The following SEMA4B variants were observed in gnomAD, a reference collection of about 807,000 sequenced individuals.
The protein encoded by SEMA4B is semaphorin-4B.
A neutral mutation model predicts 88.1 loss-of-function variants in SEMA4B; 55 were observed. The ratio of observed to expected loss-of-function variants is 0.62; its 90% CI spans 0.50 to 0.78. SEMA4B has a LOEUF of 0.78. Among genes scored for constraint, SEMA4B ranks in the 30% least tolerant of loss-of-function variants. SEMA4B has a pLI of 0.00. For missense variants in SEMA4B, 1,062 were observed against 1,111.9 expected, an observed-to-expected ratio of 0.96 and a Z score of 0.64; for synonymous variants, 525 against 473.6, an observed-to-expected ratio of 1.11 and a Z score of -1.41.
At chr15:90,196,861 G>A (rs1052521138), upstream of SEMA4B, among the ~76,000 whole-genome samples, 12 of 151,964 alleles carry the variant, frequency 7.9e-5, no homozygotes, top group African/African-American at 2.7e-4. Flanking sequence ...CTCTCTCTCT[G>A]GGTTTCACTG....
rs560878685 is a variant in SEMA4B at position 90,191,077 on chromosome 15, G to C, written c.-122+5996G>C. Among the ~76,000 whole-genome samples the C allele has an allele frequency of 3.0e-4, 46 of 152,346 alleles. No individual in the cohort carries two copies. The Middle Eastern group carries it at 0.01, about 34-fold the overall frequency. ...ATATTGGGGGAGCAGAGGAGTGACAGTGGCAACTTCATGTTCTACCCTGTC... is the reference window on the plus strand; with the variant it reads ...ATATTGGGGGAGCAGAGGAGTGACACTGGCAACTTCATGTTCTACCCTGTC... On this transcript the variant is annotated intron_variant, in intron 1 of 14. Transcript: ENST00000332496.
intron 1 of SEMA4B, among the ~76,000 whole-genome samples, chr15:90,214,345 AAGG>A (rs1426525020): frequency 2.0e-5 from 3 of 148,780 alleles, no homozygotes; most frequent in Non-Finnish European, 4.5e-5. Context: ...AAAAAAAAAA[AAGG>A]GCTGAGCTGC....
chr15:90,217,621 A>T lies in SEMA4B; in HGVS notation c.321+19A>T. The stretch of plus-strand genomic sequence containing the variant: ...CCAGGAGGTGAGAGATGTTGCCTGG[A>T]GCTGGCTAGGCTGGGCAGAGGACCA... On this transcript the variant is annotated intron_variant, in intron 2 of 13. Coordinates refer to ENST00000411539, the MANE Select transcript of SEMA4B (RefSeq NM_198925.4). The T allele has an allele frequency of 6.2e-7, 1 of 1,612,664 alleles. No individual in the cohort carries two copies. Among genetic ancestry groups the T allele is most frequent in the African/African-American group, 1.3e-5 (1 of 75,002 alleles).
intron 9 of SEMA4B, 58 bp downstream of exon 9, chr15:90,224,046 C>T: frequency 6.5e-7 from 1 of 1,541,474 alleles, no homozygotes; most frequent in Non-Finnish European, 8.8e-7. Flanking sequence ...GTCCCCACAC[C>T]ATGCTGGGAG....
Position 90,223,805 on chromosome 15 carries a change from G to A in SEMA4B, c.1044-33G>A. The A allele has an allele frequency of 1.9e-6, 3 of 1,609,794 alleles. No homozygotes were observed. In the Admixed American group the frequency reaches 5.0e-5, roughly 27 times the overall value. On this transcript the variant is annotated intron_variant, in intron 8 of 13. Coordinates refer to ENST00000411539, the MANE Select transcript of SEMA4B (RefSeq NM_198925.4). ...GGTGGCTGGGACTGGGGCCCCCAGG[G>A]CTCCTGGGTTAATCTGGTTATTTCC...
chr15:90,185,082 G>A lies in SEMA4B; in HGVS notation c.-122+1G>A. On this transcript the variant is annotated splice_donor_variant, in intron 1 of 14. Transcript: ENST00000332496. LOFTEE classifies it low-confidence loss of function (5UTR_SPLICE). ...GTGCGCTGACCCTGACTCACTCCAG[G>A]TAGGCGCGGGGGGTGCCTGGCGAGG... 1.0e-6 allele frequency: 1 copy of A among 984,412 alleles called. No individual in the cohort carries two copies. Among genetic ancestry groups the A allele is most frequent in the Non-Finnish European group, 1.2e-6 (1 of 829,002 alleles). 61.0% of individuals were successfully genotyped at this position (984,412 alleles called of 1,614,324 possible). A position where few individuals can be genotyped will look rare whatever the true frequency, so the allele number is the denominator to read the frequency against.
exon 1 of SEMA4B, chr15:90,184,991 C>T: frequency 2.0e-6 from 2 of 985,812 alleles, no homozygotes; most frequent in Non-Finnish European, 2.4e-6. Flanking sequence ...TGCGCCGGGC[C>T]GGCCTGGCAA....
At chr15:90,193,636 T>G (rs1038688195) in intron 1 of SEMA4B, 2 of 152,196 alleles carry the variant, frequency 1.3e-5, no homozygotes, top group African/African-American at 4.8e-5. Context: ...ACAACTCATG[T>G]GTTGCCAAGA....
chr15:90,196,769 G>T (rs184925960), upstream of SEMA4B, among the ~76,000 whole-genome samples: 2 of 152,228 alleles, frequency 1.3e-5, no homozygotes, highest in Non-Finnish European at 2.9e-5. Context: ...TTACAGGCGT[G>T]AGCCACTGCA....
At chr15:90,188,155 C>T (rs1960220934) in intron 1 of SEMA4B, among the ~76,000 whole-genome samples, 1 of 151,640 alleles carries the variant, frequency 6.6e-6, no homozygotes, top group South Asian at 2.1e-4. Context: ...TCAGTCTCTA[C>T]AAAAAATACA....
chr15:90,218,928 T>C (rs1356458508), intron 3 of SEMA4B, among the ~76,000 whole-genome samples: 1 of 151,294 alleles, frequency 6.6e-6, no homozygotes, highest in South Asian at 2.1e-4. Flanking sequence ...CAGGAGAGAG[T>C]GAGGAGCTGA....
chr15:90,204,601 C>T (rs1416468427), intron 1 of SEMA4B, among the ~76,000 whole-genome samples: 1 of 152,154 alleles, frequency 6.6e-6, no homozygotes, highest in African/African-American at 2.4e-5. Flanking sequence ...TGCGTTGGAA[C>T]TACCATGCAG....
Position 90,229,508 on chromosome 15 carries a change from C to A in SEMA4B, c.*865C>A, listed in dbSNP as rs1379041336. The A allele has an allele frequency of 7.2e-6, 3 of 418,378 alleles. No individual in the cohort carries two copies. Among genetic ancestry groups the A allele is most frequent in the Non-Finnish European group, 1.5e-5 (3 of 206,326 alleles). The allele number at this position is 418,378 out of a possible 1,614,324, so 25.9% of individuals were successfully genotyped here. ...CTGCACCCTGGTCCTCTCCCCAGTC[C>A]CCAGTTCACCCTCCATCCCTCACCT... On this transcript the variant is annotated 3_prime_UTR_variant, in exon 14 of 14. Coordinates refer to ENST00000411539, the MANE Select transcript of SEMA4B (RefSeq NM_198925.4).
At chr15:90,188,212 A>G (rs1960231210) in intron 1 of SEMA4B, among the ~76,000 whole-genome samples, 2 of 151,962 alleles carry the variant, frequency 1.3e-5, no homozygotes, top group African/African-American at 4.8e-5. Flanking sequence ...TCAGCTATCC[A>G]GGGCGCTGAG....
Position 90,229,426 on chromosome 15 carries a change from C to T in SEMA4B, c.*783C>T. The stretch of plus-strand genomic sequence containing the variant: ...CCGTTGTTGCGTGAGAACCCGTGTG[C>T]CCCTTCCCACCATATCCACCCTCGC... On this transcript the variant is annotated 3_prime_UTR_variant, in exon 14 of 14. Coordinates refer to ENST00000411539, the MANE Select transcript of SEMA4B (RefSeq NM_198925.4). 2 of 456,314 alleles carry T rather than the reference C, an allele frequency of 4.4e-6. No homozygotes were observed. The highest frequency in any genetic ancestry group is 1.5e-5 in the South Asian group (1 of 64,546). The allele number at this position is 456,314 out of a possible 1,614,324, so 28.3% of individuals were successfully genotyped here. A position where few individuals can be genotyped will look rare whatever the true frequency, so the allele number is the denominator to read the frequency against.
intron 4 of SEMA4B, chr15:90,220,197 T>C: frequency 3.1e-6 from 1 of 326,260 alleles, no homozygotes; most frequent in Non-Finnish European, 5.7e-6. Context: ...CTTTGCTTGA[T>C]TCTCTTGTCT....
chr15:90,205,894 T>C (rs1413764873), intron 1 of SEMA4B, among the ~76,000 whole-genome samples: 2 of 152,166 alleles, frequency 1.3e-5, no homozygotes, highest in Non-Finnish European at 2.9e-5. Context: ...ATTCAGCCTT[T>C]TCAAAGTCCT....
rs752407309 is a variant in SEMA4B at position 90,225,139 on chromosome 15, G to A, written c.1366G>A (p.Gly456Ser). 1.2e-6 allele frequency: 2 copies of A among 1,612,720 alleles called. No homozygotes were observed. Among genetic ancestry groups the A allele is most frequent in the South Asian group, 2.2e-5 (2 of 91,006 alleles). The change falls in exon 10 of 14, where the codon GGC (glycine) becomes AGC (serine). Residue 456 changes from glycine to serine, a missense_variant. Transcript: ENST00000411539. ...GCGCGTGGCTGTACACCGCGTCCCT[G>A]GCCTGCACCACACCTACGATGTCCT... ...YQRVAVHRVP[G>S]LHHTYDVLFL...
chr15:90,209,396 T>A (rs58087207), intron 1 of SEMA4B, among the ~76,000 whole-genome samples: 46,503 of 110,504 alleles, frequency 0.42, 9,300 homozygotes, highest in East Asian at 0.69. Flanking sequence ...ACTAAAAAAA[T>A]ATATATATAT....
Sources: allele counts gnomAD v4.1 joint callset (sites outside exome capture counted in the v4.1 genomes callset), GRCh38; gene constraint gnomAD v4.1.1; transcripts MANE v1.5; gene names NCBI Gene and HGNC (gene_info 2026-07-23, HGNC 2026-07-21).